ATP5F1A: variants seen among roughly 807,000 people sequenced by gnomAD.
ATP5F1A encodes ATP synthase F(1) complex subunit alpha, mitochondrial.
In ATP5F1A, 24 loss-of-function variants were observed where a neutral mutation model predicts 57.4. The ratio of observed to expected loss-of-function variants is 0.42; its 90% CI spans 0.30 to 0.59. ATP5F1A has a LOEUF of 0.59. Ranked by LOEUF, ATP5F1A falls within the 20% of genes least tolerant of loss-of-function variation. The pLI is 0.19. For synonymous variants in ATP5F1A, 251 were observed against 255.5 expected, an observed-to-expected ratio of 0.98 and a Z score of 0.17; for missense variants, 494 against 707.9, an observed-to-expected ratio of 0.70 and a Z score of 3.43.
In ATP5F1A at chr18:46,098,193, G is replaced by A. The variant is rs143021657; in HGVS notation, c.39C>T (p.Ala13=). ...SVRVAAAVVR[A]LPRRAGLVSR... ...TCACCAGTCCGGCCCGCCGAGGAAG[G>A]GCGCGGACCACGGCCGCAGCAACGC... is the stretch of plus-strand genomic sequence containing the variant. Residue 13 remains alanine, a synonymous_variant, in exon 1 of 12, where the codon GCC becomes GCT. Transcript: ENST00000398752. 3.7e-6 allele frequency: 6 copies of A among 1,606,060 alleles called. No individual in the cohort carries two copies. The African/African-American group carries it at 5.3e-5, about 14-fold the overall frequency.
intron 2 of ATP5F1A, among the ~76,000 whole-genome samples, chr18:46,092,651 C>T (rs149410282): frequency 6.3e-4 from 95 of 150,292 alleles, no homozygotes; most frequent in African/African-American, 2.2e-3. Context: ...CACTGTAACA[C>T]GAGATTCTAT....
At chr18:46,100,531 G>T (rs915361233), upstream of ATP5F1A, among the ~76,000 whole-genome samples, 3 of 151,960 alleles carry the variant, frequency 2.0e-5, no homozygotes, top group Non-Finnish European at 4.4e-5. Flanking sequence ...GTTCACTTGA[G>T]CCCAGGAGTT....
At position 46,098,195 on chromosome 18, in the gene ATP5F1A, CGCGGACCACGGCCGCA is replaced by C; in HGVS notation, c.21_36del (p.Ala8ProfsTer63). The C allele has an allele frequency of 6.2e-7, 1 of 1,606,274 alleles. No homozygotes were observed. ...ACCAGTCCGGCCCGCCGAGGAAGGG[CGCGGACCACGGCCGCA>C]GCAACGCGCACGGACAGCATCTTTG... On this transcript the variant is annotated frameshift_variant, in exon 1 of 12. Coordinates refer to ENST00000398752, the MANE Select transcript of ATP5F1A (RefSeq NM_004046.6). LOFTEE classifies it high-confidence loss of function.
rs1412287675 is a variant in ATP5F1A at position 46,080,995 on chromosome 18, T to C, written c.*3287A>G. 1 of 150,912 alleles carries C rather than the reference T, an allele frequency of 6.6e-6. No individual in the cohort carries two copies. The highest frequency in any genetic ancestry group is 2.4e-5 in the African/African-American group (1 of 41,000). The allele number at this position is 150,912 out of a possible 1,614,324, so 9.3% of individuals were successfully genotyped here. Reference sequence around the variant, plus strand: ...AAATACAAAAATTAGCCAGGCATGGTGGTGCACACCTATAATCACAGCTAC... The same window carrying C: ...AAATACAAAAATTAGCCAGGCATGGCGGTGCACACCTATAATCACAGCTAC... On this transcript the variant is annotated 3_prime_UTR_variant, in exon 12 of 12. Transcript: ENST00000398752.
At position 46,087,460 on chromosome 18, in the gene ATP5F1A, T is replaced by C; in HGVS notation, c.832A>G (p.Thr278Ala). 6.2e-7 allele frequency: 1 copy of C among 1,614,228 alleles called. No individual in the cohort carries two copies. The highest frequency in any genetic ancestry group is 8.5e-7 in the Non-Finnish European group (1 of 1,180,034). ...AMKYTIVVSATASDAAPLQYL... is the reference protein window; with the variant it reads ...AMKYTIVVSAAASDAAPLQYL... ...TGAAGTGGGGCAGCATCCGAGGCCG[T>C]AGCCGACACCACAATGGTGTACTTC... Residue 278 changes from threonine (T) to alanine (A), a missense_variant, in exon 7 of 12, where the codon ACG becomes GCG. By Grantham distance (58) the Thr-to-Ala change is moderately conservative. Coordinates refer to ENST00000398752, the MANE Select transcript of ATP5F1A (RefSeq NM_004046.6).
At chr18:46,086,687 AC>A (rs1910123230) in intron 8 of ATP5F1A, 193 bp from the exon 9 acceptor site, 3 of 610,552 alleles carry the variant, frequency 4.9e-6, no homozygotes, top group Non-Finnish European at 8.5e-6. Flanking sequence ...TGAGAAAAAA[AC>A]ATAATAGGCA....
At chr18:46,086,568 T>C in intron 8 of ATP5F1A, 74 bp from the exon 9 acceptor site, 1 of 1,417,206 alleles carries the variant, frequency 7.1e-7, no homozygotes, top group Non-Finnish European at 9.7e-7. Flanking sequence ...TAAGTCATTA[T>C]GCCAAAAAGC....
chr18:46,104,070 T>C, intron 1 of ATP5F1A: 1 of 275,990 alleles, frequency 3.6e-6, no homozygotes, highest in Non-Finnish European at 6.7e-6. Flanking sequence ...ACCAAACGTT[T>C]CAAGTACTTT....
At chr18:46,086,354 A>G in intron 9 of ATP5F1A, 33 bp downstream of exon 9, 3 of 1,613,048 alleles carry the variant, frequency 1.9e-6, no homozygotes, top group Non-Finnish European at 2.5e-6. Context: ...ATCTAATGAT[A>G]GCCCCCTTAC....
upstream of ATP5F1A, among the ~76,000 whole-genome samples, chr18:46,100,971 G>A (rs1911258632): frequency 6.6e-6 from 1 of 152,132 alleles, no homozygotes; most frequent in Admixed American, 6.5e-5. Flanking sequence ...TACTTGGGAG[G>A]CTGAGGCAGG....
intron 8 of ATP5F1A, 98 bp downstream of exon 8, chr18:46,086,910 T>C: frequency 7.6e-7 from 1 of 1,307,648 alleles, no homozygotes; most frequent in Admixed American, 2.5e-5. Context: ...AAAAGTAAAA[T>C]GCATTTAGCA....
intron 1 of ATP5F1A, 33 bp downstream of exon 1, chr18:46,098,139 G>C: frequency 6.3e-7 from 1 of 1,585,934 alleles, no homozygotes; most frequent in Non-Finnish European, 8.5e-7. Context: ...GCCCCACCCG[G>C]CCGCCTGCAT....
chr18:46,095,029 G>A (rs766491097), intron 2 of ATP5F1A, 24 bp downstream of exon 2: 57 of 1,603,784 alleles, frequency 3.6e-5, no homozygotes, highest in Admixed American at 5.2e-5. Flanking sequence ...TAAGTGCGGC[G>A]TAGACTGAGA....
exon 1 of ATP5F1A, chr18:46,104,181 G>A: frequency 5.0e-6 from 2 of 403,360 alleles, no homozygotes; most frequent in Non-Finnish European, 4.4e-6. Flanking sequence ...ATTATACCGC[G>A]GAAGGCGGGA....
chr18:46,101,618 G>A (rs925124167), upstream of ATP5F1A, among the ~76,000 whole-genome samples: 6 of 151,964 alleles, frequency 3.9e-5, no homozygotes, highest in South Asian at 2.1e-4. Context: ...AAAATTAGCC[G>A]GCATGGTGGC....
At chr18:46,099,910 GC>G (rs1472316504), upstream of ATP5F1A, among the ~76,000 whole-genome samples, 1 of 152,152 alleles carries the variant, frequency 6.6e-6, no homozygotes, top group Non-Finnish European at 1.5e-5. Flanking sequence ...TTCAAGGTAA[GC>G]CATGGGAAAA....
chr18:46,098,222 C>A lies in ATP5F1A; in HGVS notation c.10G>T (p.Val4Leu), dbSNP rs1435214501. The A allele has an allele frequency of 1.2e-6, 2 of 1,606,724 alleles. No homozygotes were observed. Among genetic ancestry groups the A allele is most frequent in the South Asian group, 2.2e-5 (2 of 91,002 alleles). The change falls in exon 1 of 12, where the codon GTG becomes TTG. Residue 4 changes from valine (V) to leucine (L), a missense_variant. Transcript: ENST00000398752. ...CGGACCACGGCCGCAGCAACGCGCA[C>A]GGACAGCATCTTTGCAGTTACTCCG... MLS[V>L]RVAAAVVRAL...
chr18:46,098,780 T>C (rs1475824691), upstream of ATP5F1A, among the ~76,000 whole-genome samples: 1 of 152,180 alleles, frequency 6.6e-6, no homozygotes, highest in East Asian at 1.9e-4. Flanking sequence ...TTAGCCCCAC[T>C]TCAGACCCTC....
In ATP5F1A at chr18:46,089,891, C is replaced by T; in HGVS notation, c.415G>A (p.Asp139Asn). 6.2e-7 allele frequency: 1 copy of T among 1,614,004 alleles called. No individual in the cohort carries two copies. The highest frequency in any genetic ancestry group is 8.5e-7 in the Non-Finnish European group (1 of 1,179,980). ...AACAGCTCCTCACCAACTGGAACGT[C>T]CACAATGGCTCCTGTCCTCTTCACT... is the stretch of plus-strand genomic sequence containing the variant. Reference protein sequence around the residue: ...DIVKRTGAIVDVPVGEELLGR... With the variant: ...DIVKRTGAIVNVPVGEELLGR... Residue 139 changes from aspartate to asparagine, a missense_variant, in exon 4 of 12, where the codon GAC becomes AAC. Asp to Asn is a conservative substitution (Grantham distance 23). Coordinates refer to ENST00000398752, the MANE Select transcript of ATP5F1A (RefSeq NM_004046.6).
Sources: gnomAD v4.1 joint callset for allele counts (sites outside exome capture counted in the v4.1 genomes callset) on GRCh38, gnomAD v4.1.1 for gene constraint, MANE v1.5 for transcripts, NCBI Gene and HGNC (gene_info 2026-07-23, HGNC 2026-07-21) for gene names.